The following RAP1GAP2 variants were observed in gnomAD, a reference collection of about 807,000 sequenced individuals.
RAP1GAP2 encodes rap1 GTPase-activating protein 2.
Under a neutral mutation model 95.0 loss-of-function variants are expected in RAP1GAP2, and 27 were observed. The ratio of observed to expected loss-of-function variants is 0.28; its 90% confidence interval spans 0.21 to 0.39. The LOEUF is 0.39. Ranked by LOEUF, RAP1GAP2 falls within the 10% of genes least tolerant of loss-of-function variation. The pLI, the probability that RAP1GAP2 is intolerant of heterozygous loss-of-function variation, is 1.00. For missense variants in RAP1GAP2, 771 were observed against 970.0 expected (o/e 0.79, Z 2.72); for synonymous variants, 373 against 380.9 (o/e 0.98, Z 0.24).
At chr17:2,762,616 G>A (rs1158119743) in intron 1 of RAP1GAP2, among the ~76,000 whole-genome samples, 1 of 150,832 alleles carries the variant, frequency 6.6e-6, no homozygotes, top group East Asian at 2.0e-4. Context: ...GGCCAAGCTG[G>A]TCTCGAACTC....
Position 3,005,928 on chromosome 17 carries a change from A to G in RAP1GAP2, c.1273-27A>G. ...TTCTGGCAACAGCCGAGAGTGACAGACCTGAGGTCCGTCTTGTCTCTTCCA... is the reference window on the plus strand; with the variant it reads ...TTCTGGCAACAGCCGAGAGTGACAGGCCTGAGGTCCGTCTTGTCTCTTCCA... On this transcript the variant is annotated intron_variant, in intron 15 of 24. Transcript: ENST00000254695. The surrounding 1 kb of genome is among the most constrained non-coding windows in gnomAD (Gnocchi z 5.2). 1.2e-6 allele frequency: 2 copies of G among 1,601,446 alleles called. No homozygotes were observed. Among genetic ancestry groups the G allele is most frequent in the Non-Finnish European group, 1.7e-6 (2 of 1,168,646 alleles).
At chr17:2,875,844 G>A (rs184349975) in intron 2 of RAP1GAP2, among the ~76,000 whole-genome samples, 2 of 151,882 alleles carry the variant, frequency 1.3e-5, no homozygotes, top group African/African-American at 2.4e-5. Context: ...CAAGCTGAAC[G>A]TGTCCCAACT....
At chr17:2,940,509 A>C (rs906678456) in intron 3 of RAP1GAP2, among the ~76,000 whole-genome samples, 1 of 152,178 alleles carries the variant, frequency 6.6e-6, no homozygotes, top group Non-Finnish European at 1.5e-5. Context: ...CCTGGCCTGG[A>C]CGCTTGGAGC....
rs1567678173 is a variant in RAP1GAP2 at position 2,820,903 on chromosome 17, T to TTTGTTTGTTTTTTG, written c.80+20355_80+20356insGTTTGTTTTTTGTT. Among the ~76,000 whole-genome samples, 163 of 145,970 alleles carry TTTGTTTGTTTTTTG rather than the reference T, an allele frequency of 1.1e-3. 2 individuals carry two copies. The highest frequency in any genetic ancestry group is 4.0e-3 in the African/African-American group (155 of 38,856). ...CGGCCCGGATAATGGTTTTTTTTTT[T>TTTGTTTGTTTTTTG]TTTTTTGTATTTTTAGTAGAGATAG... is the stretch of plus-strand genomic sequence containing the variant. On this transcript the variant is annotated intron_variant, in intron 2 of 24. Coordinates refer to ENST00000254695, the MANE Select transcript of RAP1GAP2 (RefSeq NM_015085.5).
upstream of RAP1GAP2, among the ~76,000 whole-genome samples, chr17:2,793,637 A>G (rs941051395): frequency 2.0e-5 from 3 of 152,188 alleles, no homozygotes; most frequent in Non-Finnish European, 2.9e-5. Flanking sequence ...TCACTTGTTC[A>G]CTTGTCAAGC....
upstream of RAP1GAP2, among the ~76,000 whole-genome samples, chr17:2,792,877 C>T (rs565764462): frequency 2.7e-4 from 41 of 152,356 alleles, no homozygotes; most frequent in African/African-American, 9.6e-4. Flanking sequence ...TCTGGGAACA[C>T]TTGGTCCAGG....
intron 1 of RAP1GAP2, 89 bp from the exon 2 acceptor site, chr17:2,800,426 T>G: frequency 1.4e-6 from 2 of 1,457,412 alleles, no homozygotes; most frequent in Non-Finnish European, 1.9e-6. Flanking sequence ...TCTGGTGGTT[T>G]GGGCTGTCCC....
intron 2 of RAP1GAP2, among the ~76,000 whole-genome samples, chr17:2,888,645 T>C (rs1234086059): frequency 8.5e-6 from 1 of 117,264 alleles, no homozygotes; most frequent in East Asian, 2.6e-4. Context: ...TACCACCTTT[T>C]CTTTTTCTTT....
At chr17:2,919,317 C>T (rs1444318179) in intron 3 of RAP1GAP2, among the ~76,000 whole-genome samples, 1 of 152,148 alleles carries the variant, frequency 6.6e-6, no homozygotes, top group Non-Finnish European at 1.5e-5. Context: ...CAGGGGTCTC[C>T]AGGGTGGCAG....
intron 3 of RAP1GAP2, among the ~76,000 whole-genome samples, chr17:2,926,963 G>A (rs1158438737): frequency 7.6e-5 from 10 of 130,872 alleles, no homozygotes; most frequent in Non-Finnish European, 1.4e-4. Context: ...CTGAGATTGT[G>A]CCACTGCACT....
chr17:2,965,441 G>T lies in RAP1GAP2; in HGVS notation c.493-99G>T. The stretch of plus-strand genomic sequence containing the variant: ...CATCAGTAGCATCCTTCTCTTCCTT[G>T]TTGCTGTGGGGCTTCTCCTGGTGAA... On this transcript the variant is annotated intron_variant, in intron 7 of 24. Transcript: ENST00000254695. The surrounding 1 kb of genome is among the most constrained non-coding windows in gnomAD (Gnocchi z 4.7). 1 of 858,174 alleles carries T rather than the reference G, an allele frequency of 1.2e-6. No homozygotes were observed. 53.2% of individuals were successfully genotyped at this position (858,174 alleles called of 1,614,324 possible).
intron 2 of RAP1GAP2, among the ~76,000 whole-genome samples, chr17:2,864,088 C>CT (rs61321129): frequency 0.65 from 98,570 of 151,232 alleles, 32,355 homozygotes; most frequent in African/African-American, 0.74. Flanking sequence ...CGGGAGCCCC[C>CT]GGTTCCTCAC....
At chr17:2,838,314 G>A (rs35605349) in intron 2 of RAP1GAP2, among the ~76,000 whole-genome samples, 10 of 152,072 alleles carry the variant, frequency 6.6e-5, no homozygotes, top group East Asian at 1.9e-4. Context: ...CACGGCGCCC[G>A]GCCTTGTGTT....
In RAP1GAP2 at chr17:2,956,382, G is replaced by C. The variant is rs990467231; in HGVS notation, c.166-1377G>C. ...GTTGTCTGGAGTCAACAGCAGGGCTGGGTCTCTCCAGGGACTTCACCAGGC... is the reference window on the plus strand; with the variant it reads ...GTTGTCTGGAGTCAACAGCAGGGCTCGGTCTCTCCAGGGACTTCACCAGGC... On this transcript the variant is annotated intron_variant, in intron 3 of 24. Transcript: ENST00000254695. Among the ~76,000 whole-genome samples the C allele has an allele frequency of 2.0e-5, 3 of 152,200 alleles. No individual in the cohort carries two copies. The South Asian group carries it at 6.2e-4, about 31-fold the overall frequency.
rs186268922 is a variant in RAP1GAP2 at position 3,004,182 on chromosome 17, G to A, written c.1201-1187G>A. On this transcript the variant is annotated intron_variant, in intron 14 of 24. Transcript: ENST00000254695. This position sits in a 1 kb window ranked among gnomAD's most constrained non-coding sequence, Gnocchi z 4.1. ...CTGGTGGGTGGTGGTAGGGAACCGG[G>A]TTCAGCTGCTGGAGCCCAGCCAGAA... 2.8e-3 allele frequency among the ~76,000 whole-genome samples: 431 copies of A among 152,306 alleles called. 3 individuals carry two copies. The highest frequency in any genetic ancestry group is 8.4e-4 in the Non-Finnish European group (57 of 68,028).
Position 2,797,929 on chromosome 17 carries a change from G to A in RAP1GAP2, c.44+1358G>A, listed in dbSNP as rs1056997541. The A allele has an allele frequency of 2.6e-6, 1 of 383,938 alleles. No individual in the cohort carries two copies. The highest frequency in any genetic ancestry group is 2.2e-5 in the African/African-American group (1 of 45,446). 23.8% of individuals were successfully genotyped at this position (383,938 alleles called of 1,614,324 possible). ...GCCTTTCTCTGGGAGGTGTGGAGCA[G>A]ATGGAAGGCTGGTCGCCAGAAAGCT... On this transcript the variant is annotated intron_variant, in intron 1 of 24. Coordinates refer to ENST00000254695, the MANE Select transcript of RAP1GAP2 (RefSeq NM_015085.5). The surrounding 1 kb of genome is among the most constrained non-coding windows in gnomAD (Gnocchi z 5.6).
At position 3,008,252 on chromosome 17, in the gene RAP1GAP2, G is replaced by T. The variant is rs1307302738; in HGVS notation, c.1494+107G>T. On this transcript the variant is annotated intron_variant, in intron 17 of 24. Coordinates refer to ENST00000254695, the MANE Select transcript of RAP1GAP2 (RefSeq NM_015085.5). This position sits in a 1 kb window ranked among gnomAD's most constrained non-coding sequence, Gnocchi z 4.2. ...TGATCCCAGAGCCCAAGGGCCAGCT[G>T]GAGGGGTGACAGGAAACGTATGGGT... 6 of 1,504,836 alleles carry T rather than the reference G, an allele frequency of 4.0e-6. No individual in the cohort carries two copies. The African/African-American group carries it at 6.9e-5, about 17-fold the overall frequency. The allele number at this position is 1,504,836 out of a possible 1,614,324, so 93.2% of individuals were successfully genotyped here.
intron 3 of RAP1GAP2, among the ~76,000 whole-genome samples, chr17:2,909,217 C>T (rs759391837): frequency 3.3e-5 from 5 of 151,900 alleles, no homozygotes; most frequent in Non-Finnish European, 7.4e-5. Context: ...AGGCTGGGCC[C>T]GGACATGGAG....
intron 3 of RAP1GAP2, among the ~76,000 whole-genome samples, chr17:2,928,534 A>C (rs920911898): frequency 6.6e-6 from 1 of 150,964 alleles, no homozygotes; most frequent in Middle Eastern, 3.2e-3. Context: ...CACGTAGATA[A>C]CCCTCCCCAG....
Sources: allele counts gnomAD v4.1 joint callset (sites outside exome capture counted in the v4.1 genomes callset), GRCh38; gene constraint gnomAD v4.1.1; non-coding constraint Gnocchi (gnomAD v3.1); transcripts MANE v1.5; gene names NCBI Gene and HGNC (gene_info 2026-07-23, HGNC 2026-07-21).